ADGRL3: variants seen among roughly 807,000 people sequenced by gnomAD.
ADGRL3 encodes adhesion G protein-coupled receptor L3, also known as calcium-independent alpha-latrotoxin receptor 3.
Under a neutral mutation model 153.5 loss-of-function variants are expected in ADGRL3, and 62 were observed. The observed-to-expected ratio is 0.40, with a 90% CI of 0.33 to 0.50. The LOEUF is 0.50. Ranked by LOEUF, ADGRL3 falls within the 20% of genes least tolerant of loss-of-function variation. ADGRL3 has a pLI of 0.47. For missense variants in ADGRL3, 1,641 were observed against 1,859.4 expected (o/e 0.88, Z 2.16); for synonymous variants, 710 against 672.5 (o/e 1.06, Z -0.86).
chr4:61,449,256 C>T (rs1413746254), intron 2 of ADGRL3, among the ~76,000 whole-genome samples: 1 of 152,022 alleles, frequency 6.6e-6, no homozygotes, highest in Admixed American at 6.6e-5. Context: ...CTGCCTCAGC[C>T]TCCCTTAGTA....
intron 15 of ADGRL3, among the ~76,000 whole-genome samples, chr4:61,941,262 G>C (rs1489735881): frequency 2.6e-4 from 34 of 132,746 alleles, no homozygotes; most frequent in Non-Finnish European, 1.1e-4. Flanking sequence ...TGTTATTTCT[G>C]AGGGCTGTGT....
At chr4:61,872,663 AAAAAAG>A (rs1161544177) in intron 9 of ADGRL3, among the ~76,000 whole-genome samples, 1 of 151,722 alleles carries the variant, frequency 6.6e-6, no homozygotes, top group African/African-American at 2.4e-5. Flanking sequence ...TTTAAAAAAA[AAAAAAG>A]AAAGAAGAAA....
chr4:62,019,592 T>A (rs1167496911), intron 21 of ADGRL3, among the ~76,000 whole-genome samples: 1 of 152,130 alleles, frequency 6.6e-6, no homozygotes, highest in Non-Finnish European at 1.5e-5. Flanking sequence ...TCTTTCAATT[T>A]CTTTTAACAA....
chr4:61,644,225 C>A (rs1175405165), intron 5 of ADGRL3, among the ~76,000 whole-genome samples: 2 of 147,852 alleles, frequency 1.4e-5, no homozygotes, highest in Non-Finnish European at 1.5e-5. Context: ...TTTTGTTGAA[C>A]CTTTCAAAAA....
chr4:61,572,738 T>C (rs2098844196), intron 4 of ADGRL3, among the ~76,000 whole-genome samples: 1 of 152,026 alleles, frequency 6.6e-6, no homozygotes, highest in Admixed American at 6.6e-5. Flanking sequence ...CACTTAGTTA[T>C]GTCATAATTT....
intron 6 of ADGRL3, among the ~76,000 whole-genome samples, chr4:61,726,730 TACTA>T (rs2096354584): frequency 6.6e-6 from 1 of 151,752 alleles, no homozygotes; most frequent in African/African-American, 2.4e-5. Flanking sequence ...CTTTTAACAA[TACTA>T]TTACATTGCA....
chr4:61,953,013 A>G (rs1361601428), intron 17 of ADGRL3, among the ~76,000 whole-genome samples: 1 of 152,212 alleles, frequency 6.6e-6, no homozygotes, highest in Non-Finnish European at 1.5e-5. Flanking sequence ...GATTGTTTAC[A>G]TCAACCCTAT....
chr4:61,573,696 G>A (rs570253679), intron 4 of ADGRL3, among the ~76,000 whole-genome samples: 1 of 151,806 alleles, frequency 6.6e-6, no homozygotes, highest in African/African-American at 2.4e-5. Flanking sequence ...TGGACAAGAA[G>A]GCCATTCAAT....
intron 5 of ADGRL3, among the ~76,000 whole-genome samples, chr4:61,647,948 T>C (rs1298603513): frequency 6.6e-6 from 1 of 152,194 alleles, no homozygotes; most frequent in Non-Finnish European, 1.5e-5. Flanking sequence ...CAAGTAAATT[T>C]TTATGATCCA....
chr4:61,723,885 A>G (rs1445916924), intron 6 of ADGRL3, among the ~76,000 whole-genome samples: 2 of 152,192 alleles, frequency 1.3e-5, no homozygotes, highest in African/African-American at 4.8e-5. Flanking sequence ...ATAATTTCTT[A>G]ATAACTTCTG....
intron 5 of ADGRL3, among the ~76,000 whole-genome samples, chr4:61,651,111 A>C (rs1456344632): frequency 6.6e-6 from 1 of 152,266 alleles, no homozygotes; most frequent in East Asian, 1.9e-4. Context: ...GCAGTTTAAA[A>C]AGGTTCGGAA....
chr4:61,528,561 A>G (rs2098591006), intron 4 of ADGRL3, among the ~76,000 whole-genome samples: 1 of 152,122 alleles, frequency 6.6e-6, no homozygotes, highest in East Asian at 1.9e-4. Flanking sequence ...TATAGATTCA[A>G]CAATAGCCTA....
chr4:61,460,257 T>C (rs750219902), intron 2 of ADGRL3, among the ~76,000 whole-genome samples: 4 of 152,092 alleles, frequency 2.6e-5, no homozygotes, highest in African/African-American at 4.8e-5. Flanking sequence ...TGGTGAGAGA[T>C]AGGAGTCTCA....
At chr4:61,589,414 G>A (rs919527143) in intron 5 of ADGRL3, among the ~76,000 whole-genome samples, 4 of 151,988 alleles carry the variant, frequency 2.6e-5, no homozygotes, top group Non-Finnish European at 5.9e-5. Context: ...AATGAACGTA[G>A]TTACACTATT....
intron 1 of ADGRL3, among the ~76,000 whole-genome samples, chr4:61,205,267 A>C (rs1736582793): frequency 6.6e-6 from 1 of 152,226 alleles, no homozygotes; most frequent in African/African-American, 2.4e-5. Context: ...TGCCAAGTAG[A>C]AGTGACAGTT....
chr4:61,906,458 G>C (rs1349486054), intron 11 of ADGRL3: 1 of 152,050 alleles, frequency 6.6e-6, no homozygotes, highest in East Asian at 1.9e-4. Flanking sequence ...TGCCTGCAGA[G>C]TTTTATATAG....
intron 21 of ADGRL3, among the ~76,000 whole-genome samples, chr4:62,015,315 G>A (rs532188591): frequency 3.3e-5 from 5 of 152,274 alleles, no homozygotes; most frequent in South Asian, 2.1e-4. Context: ...TATGGAAGTC[G>A]ATATTTTAAA....
At chr4:61,615,186 G>A (rs953215684) in intron 5 of ADGRL3, among the ~76,000 whole-genome samples, 1 of 152,090 alleles carries the variant, frequency 6.6e-6, no homozygotes, top group African/African-American at 2.4e-5. Flanking sequence ...AGGATGAAGA[G>A]TTTAAGAAAT....
intron 8 of ADGRL3, among the ~76,000 whole-genome samples, chr4:61,748,086 C>A (rs1382380364): frequency 6.6e-6 from 1 of 151,312 alleles, no homozygotes; most frequent in African/African-American, 2.4e-5. Flanking sequence ...AGAGCCAAAT[C>A]ATGAGTGAAC....
Sources: gnomAD v4.1 joint callset for allele counts (sites outside exome capture counted in the v4.1 genomes callset) on GRCh38, gnomAD v4.1.1 for gene constraint, MANE v1.5 for transcripts, NCBI Gene and HGNC (gene_info 2026-07-23, HGNC 2026-07-21) for gene names.